Variants in HMCN2 observed in about 807,000 individuals in gnomAD.
The protein encoded by HMCN2 is hemicentin-2.
Under a neutral mutation model 377.5 loss-of-function variants are expected in HMCN2, and 325 were observed. The observed-to-expected ratio is 0.86, with a 90% CI of 0.79 to 0.94. The LOEUF (loss-of-function observed/expected upper bound fraction) is 0.94, where lower values mean the gene tolerates loss of function less well. Ranked by LOEUF, HMCN2 falls within the 40% of genes least tolerant of loss-of-function variation. The probability of loss-of-function intolerance (pLI) is 0.00; values close to 1 mark genes in which losing one functional copy is unlikely to be tolerated. For synonymous variants in HMCN2, 2,007 were observed against 2,046.8 expected (o/e 0.98, Z 0.53); for missense variants, 4,543 against 4,725.3 (o/e 0.96, Z 1.13).
In HMCN2 at chr9:130,432,409, T is replaced by G; in HGVS notation, c.14768-20T>G. 1 of 1,550,874 alleles carries G rather than the reference T, an allele frequency of 6.4e-7. No individual in the cohort carries two copies. Among genetic ancestry groups the G allele is most frequent in the Non-Finnish European group, 8.7e-7 (1 of 1,147,008 alleles). On this transcript the variant is annotated intron_variant, in intron 96 of 97. Coordinates refer to ENST00000683500, the MANE Select transcript of HMCN2 (RefSeq NM_001291815.2). ...CATCTTTTCATCTCCCTCCCCCGCT[T>G]CACCAACTTCCCCATCCAGACATCA...
In HMCN2 at chr9:130,422,440, G is replaced by A. The variant is rs1844073044; in HGVS notation, c.13232-137G>A. 3 of 566,362 alleles carry A rather than the reference G, an allele frequency of 5.3e-6. No individual in the cohort carries two copies. Among genetic ancestry groups the A allele is most frequent in the Non-Finnish European group, 8.0e-6 (3 of 377,150 alleles). 35.1% of individuals were successfully genotyped at this position (566,362 alleles called of 1,614,324 possible). A position where few individuals can be genotyped will look rare whatever the true frequency, so the allele number is the denominator to read the frequency against. ...GCGTTGAGTCCATGACCCCTTAGCT[G>A]TGTGTCCTTGGACAAGTGGAGGTGA... On this transcript the variant is annotated intron_variant, in intron 86 of 97. Coordinates refer to ENST00000683500, the MANE Select transcript of HMCN2 (RefSeq NM_001291815.2). The surrounding 1 kb of genome is among the most constrained non-coding windows in gnomAD (Gnocchi z 4.2).
intron 22 of HMCN2, among the ~76,000 whole-genome samples, chr9:130,331,155 T>C (rs1474416578): frequency 8.3e-6 from 1 of 120,194 alleles, no homozygotes; most frequent in East Asian, 2.2e-4. Context: ...AGACTCTGTC[T>C]TAAAAAAAAA....
intron 43 of HMCN2, among the ~76,000 whole-genome samples, chr9:130,366,840 C>T (rs1008976669): frequency 2.0e-5 from 3 of 152,268 alleles, no homozygotes; most frequent in Middle Eastern, 3.4e-3. Context: ...TCCCCACCCT[C>T]ACAATGGGGG....
rs942824313 is a variant in HMCN2, at chr9:130,303,540, G to A, written c.1475G>A (p.Gly492Asp). Residue 492 changes from glycine to aspartate, a missense_variant, in exon 10 of 98, where the codon GGC becomes GAC. Gly to Asp is a moderately conservative substitution (Grantham distance 94). This residue lies in a region of HMCN2 where 547 missense variants were observed against 189.9 expected (regional missense o/e 2.88). Transcript: ENST00000683500. The surrounding 1 kb of genome is among the most constrained non-coding windows in gnomAD (Gnocchi z 5.2). ...EILRASKAEE[G>D]TYECTAVSRA... ...CTGCGGGCCTCCAAGGCCGAGGAGGGCACGTACGAGTGCACAGCCGTCAGC... is the reference window on the plus strand; with the variant it reads ...CTGCGGGCCTCCAAGGCCGAGGAGGACACGTACGAGTGCACAGCCGTCAGC... The A allele has an allele frequency of 4.7e-6, 2 of 423,560 alleles. No homozygotes were observed. Among genetic ancestry groups the A allele is most frequent in the African/African-American group, 2.1e-5 (1 of 48,172 alleles). The allele number at this position is 423,560 out of a possible 1,614,324, so 26.2% of individuals were successfully genotyped here.
intron 4 of HMCN2, 146 bp downstream of exon 4, chr9:130,286,456 C>T (rs1444807121): frequency 1.0e-5 from 4 of 383,700 alleles, no homozygotes; most frequent in African/African-American, 4.1e-5. Flanking sequence ...GCACTGGGTG[C>T]ACACCTGTGG....
chr9:130,329,598 A>G (rs1268694923), intron 22 of HMCN2, among the ~76,000 whole-genome samples: 5 of 152,032 alleles, frequency 3.3e-5, no homozygotes, highest in African/African-American at 1.2e-4. Flanking sequence ...ACCTGCCATC[A>G]TGCCCAGCTA....
intron 34 of HMCN2, among the ~76,000 whole-genome samples, chr9:130,356,572 G>C (rs11244331): frequency 0.19 from 28,399 of 152,224 alleles, 3,347 homozygotes; most frequent in African/African-American, 0.33. Context: ...TACGTTTGCT[G>C]TTCCTTCTGC....
intron 66 of HMCN2, among the ~76,000 whole-genome samples, chr9:130,392,787 G>C (rs1842390709): frequency 1.3e-5 from 2 of 152,148 alleles, no homozygotes; most frequent in South Asian, 2.1e-4. Context: ...ACAAGGTCAG[G>C]AGATCAAGAC....
chr9:130,276,246 G>A (rs1554923092), intron 1 of HMCN2, among the ~76,000 whole-genome samples: 1 of 152,164 alleles, frequency 6.6e-6, no homozygotes, highest in South Asian at 2.1e-4. Flanking sequence ...GCCAGGCAGG[G>A]TGCTGGCTTG....
Position 130,418,767 on chromosome 9 carries a change from C to T in HMCN2, c.12962-5C>T, listed in dbSNP as rs1273101843. 7.1e-7 allele frequency: 1 copy of T among 1,409,092 alleles called. No homozygotes were observed. The highest frequency in any genetic ancestry group is 1.4e-5 in the African/African-American group (1 of 69,386). The allele number at this position is 1,409,092 out of a possible 1,614,324, so 87.3% of individuals were successfully genotyped here. On this transcript the variant is annotated splice_polypyrimidine_tract_variant and splice_region_variant and intron_variant, in intron 85 of 97. Coordinates refer to ENST00000683500, the MANE Select transcript of HMCN2 (RefSeq NM_001291815.2). ...GTTCCTAAAAGCCACCTGGGCCTCC[C>T]ACAGGTGCTCCGGTGTTCCAGGTGG...
At chr9:130,340,910 G>A (rs1661196249) in intron 23 of HMCN2, among the ~76,000 whole-genome samples, 4 of 152,354 alleles carry the variant, frequency 2.6e-5, no homozygotes, top group South Asian at 2.1e-4. Flanking sequence ...TCAGGAGTGC[G>A]TGTGTTCAGG....
At chr9:130,381,567 C>T (rs552202820) in intron 54 of HMCN2, among the ~76,000 whole-genome samples, 1 of 152,278 alleles carries the variant, frequency 6.6e-6, no homozygotes, top group East Asian at 1.9e-4. Context: ...TGGGGTTTCG[C>T]CGTGTTGGCC....
intron 1 of HMCN2, among the ~76,000 whole-genome samples, chr9:130,282,882 C>A (rs1258891814): frequency 6.6e-6 from 1 of 152,132 alleles, no homozygotes; most frequent in Non-Finnish European, 1.5e-5. Flanking sequence ...ACCAGCCTGG[C>A]CAACATGGCG....
chr9:130,395,618 G>A (rs1221344690), intron 71 of HMCN2, among the ~76,000 whole-genome samples: 3 of 152,228 alleles, frequency 2.0e-5, no homozygotes, highest in African/African-American at 7.2e-5. Context: ...CTTAGCAGCT[G>A]TGTGGCCTGG....
At chr9:130,413,991 CAA>C (rs33963612) in intron 85 of HMCN2, among the ~76,000 whole-genome samples, 23,628 of 136,494 alleles carry the variant, frequency 0.17, 2,191 homozygotes, top group East Asian at 0.34. Context: ...ACCAAAAATA[CAA>C]AAAAAAAAAA....
intron 85 of HMCN2, among the ~76,000 whole-genome samples, chr9:130,411,306 G>A (rs559514448): frequency 6.6e-6 from 1 of 152,012 alleles, no homozygotes; most frequent in East Asian, 1.9e-4. Flanking sequence ...CCTTAAAAAG[G>A]AAGGAAATTC....
intron 35 of HMCN2, 83 bp downstream of exon 35, chr9:130,358,071 C>A (rs1345295141): frequency 9.6e-6 from 11 of 1,145,816 alleles, no homozygotes; most frequent in Non-Finnish European, 1.3e-5. Context: ...AGACTCTGAG[C>A]AAATCCCAGC....
chr9:130,317,499 C>G (rs911752050), intron 15 of HMCN2, among the ~76,000 whole-genome samples: 1 of 139,702 alleles, frequency 7.2e-6, no homozygotes. Flanking sequence ...CTCTCTCTCT[C>G]TCTCTCTTTT....
intron 1 of HMCN2, among the ~76,000 whole-genome samples, chr9:130,275,367 G>A (rs1437409579): frequency 2.0e-5 from 3 of 152,210 alleles, no homozygotes; most frequent in African/African-American, 7.2e-5. Flanking sequence ...GAGCTGGAAC[G>A]GCTGGGACTC....
Sources: gnomAD v4.1 joint callset for allele counts (sites outside exome capture counted in the v4.1 genomes callset) on GRCh38, gnomAD v4.1.1 for gene constraint, gnomAD v4.1.1 regional missense constraint, Gnocchi (gnomAD v3.1) non-coding constraint, MANE v1.5 for transcripts, NCBI Gene and HGNC (gene_info 2026-07-23, HGNC 2026-07-21) for gene names.